BRAF: variants seen among roughly 807,000 people sequenced by gnomAD.
BRAF encodes the protein serine/threonine-protein kinase B-raf.
Under a neutral mutation model 104.6 loss-of-function variants are expected in BRAF, and 16 were observed. The observed-to-expected ratio is 0.15, with a 90% CI of 0.10 to 0.23. BRAF has a LOEUF of 0.23. BRAF is among the 10% of genes least tolerant of loss of function. The probability of loss-of-function intolerance (pLI) is 1.00; values close to 1 mark genes in which losing one functional copy is unlikely to be tolerated. For missense variants in BRAF, 541 were observed against 937.3 expected (o/e 0.58, Z 5.52); for synonymous variants, 310 against 341.6 (o/e 0.91, Z 1.02).
At chr7:140,860,998 C>T (rs1350203047) in intron 1 of BRAF, among the ~76,000 whole-genome samples, 2 of 152,128 alleles carry the variant, frequency 1.3e-5, no homozygotes, top group African/African-American at 4.8e-5. Flanking sequence ...AAACAAAAAG[C>T]TAGCGCTATA....
At chr7:140,865,281 T>C (rs1435343168) in intron 1 of BRAF, among the ~76,000 whole-genome samples, 2 of 152,120 alleles carry the variant, frequency 1.3e-5, no homozygotes, top group East Asian at 1.9e-4. Context: ...GGTTTCACCA[T>C]GTTGGCCAGC....
intron 5 of BRAF, among the ~76,000 whole-genome samples, chr7:140,803,662 G>A (rs1292567971): frequency 6.6e-6 from 1 of 152,162 alleles, no homozygotes; most frequent in Non-Finnish European, 1.5e-5. Flanking sequence ...GTGAAACTTA[G>A]AAGGCAACAT....
chr7:140,758,477 C>T lies in BRAF; in HGVS notation c.1815-4244G>A, dbSNP rs181229316. Among the ~76,000 whole-genome samples the T allele has an allele frequency of 7.3e-4, 110 of 151,686 alleles. 1 individual carries two copies. Among genetic ancestry groups the T allele is most frequent in the Admixed American group, 1.5e-3 (23 of 15,240 alleles). Reference sequence around the variant, plus strand: ...TTTCCTTCACTTTTTTTTTTGGAGACAGGGTGTTGCTCTCTTGCCCAGGCT... The same window carrying T: ...TTTCCTTCACTTTTTTTTTTGGAGATAGGGTGTTGCTCTCTTGCCCAGGCT... On this transcript the variant is annotated intron_variant, in intron 14 of 19. Transcript: ENST00000644969.
rs1009529987 is a variant in BRAF, at chr7:140,738,206, A to G, written c.2247+1606T>C. On this transcript the variant is annotated intron_variant, in intron 18 of 19. Transcript: ENST00000644969. ...CTTTGAAACCTGATAAATGAAACTT[A>G]TATCTACCCAGCCAACCACTTAGCT... Among the ~76,000 whole-genome samples the G allele has an allele frequency of 8.5e-5, 13 of 152,232 alleles. No homozygotes were observed. In the East Asian group the frequency reaches 1.3e-3, roughly 16 times the overall value.
intron 1 of BRAF, among the ~76,000 whole-genome samples, chr7:140,860,465 G>GAAAAAAA (rs746617365): frequency 6.4e-5 from 4 of 62,134 alleles, no homozygotes; most frequent in African/African-American, 3.0e-4. Context: ...CCCATCTCTA[G>GAAAAAAA]AAAAAAAAAA....
chr7:140,720,580 A>T lies in BRAF; in HGVS notation c.*5914T>A. ...ACAGCTTAGAATAAAAAGCATACTT[A>T]TTGCACTCTTACATTTGATTTCAGG... On this transcript the variant is annotated 3_prime_UTR_variant, in exon 20 of 20. Coordinates refer to ENST00000644969, the MANE Select transcript of BRAF (RefSeq NM_001374258.1). The T allele has an allele frequency of 9.4e-7, 1 of 1,065,608 alleles. No individual in the cohort carries two copies. The highest frequency in any genetic ancestry group is 1.1e-6 in the Non-Finnish European group (1 of 879,554). The allele number at this position is 1,065,608 out of a possible 1,614,324, so 66.0% of individuals were successfully genotyped here.
At position 140,724,886 on chromosome 7, in the gene BRAF, CTG is replaced by C; in HGVS notation, c.*1606_*1607del. 9.6e-7 allele frequency: 1 copy of C among 1,038,512 alleles called. No homozygotes were observed. The highest frequency in any genetic ancestry group is 1.2e-6 in the Non-Finnish European group (1 of 862,366). The allele number at this position is 1,038,512 out of a possible 1,614,324, so 64.3% of individuals were successfully genotyped here. ...AATACATCCGCTTTCTTTGCTATGA[CTG>C]TGATTGATATTACCCTTTAATAAAG... On this transcript the variant is annotated 3_prime_UTR_variant, in exon 20 of 20. Transcript: ENST00000644969.
chr7:140,781,932 T>G (rs943647549), intron 11 of BRAF, among the ~76,000 whole-genome samples: 4 of 152,250 alleles, frequency 2.6e-5, no homozygotes, highest in Admixed American at 2.0e-4. Flanking sequence ...TATTATACTT[T>G]AAGTTCTAGG....
At chr7:140,729,442 C>T (rs1380034010) in intron 19 of BRAF, among the ~76,000 whole-genome samples, 2 of 152,062 alleles carry the variant, frequency 1.3e-5, no homozygotes, top group Non-Finnish European at 2.9e-5. Flanking sequence ...GCCAGGAGTT[C>T]AAGACCAGCC....
intron 1 of BRAF, among the ~76,000 whole-genome samples, chr7:140,880,825 C>T (rs1232479269): frequency 6.6e-6 from 1 of 150,480 alleles, no homozygotes; most frequent in Non-Finnish European, 1.5e-5. Flanking sequence ...AAAAAATTAG[C>T]TGGGCATGGT....
Position 140,887,805 on chromosome 7 carries a change from T to C in BRAF, c.138+36761A>G, listed in dbSNP as rs115065542. 8.0e-3 allele frequency among the ~76,000 whole-genome samples: 1,215 copies of C among 152,248 alleles called. 18 individuals carry two copies. The highest frequency in any genetic ancestry group is 0.028 in the African/African-American group (1,143 of 41,552). ...CACAGCTCACCGCAGGCTCAAACTT[T>C]TGGGTTCAAGCAATCCTCCCACCTT... is the stretch of plus-strand genomic sequence containing the variant. On this transcript the variant is annotated intron_variant, in intron 1 of 19. Transcript: ENST00000644969.
chr7:140,841,968 A>C (rs1808015768), intron 2 of BRAF, among the ~76,000 whole-genome samples: 2 of 152,306 alleles, frequency 1.3e-5, no homozygotes, highest in East Asian at 3.9e-4. Context: ...TCATTTAGTT[A>C]ATTAAATTTA....
chr7:140,775,512 T>C (rs901457468), intron 14 of BRAF, among the ~76,000 whole-genome samples: 2 of 152,130 alleles, frequency 1.3e-5, no homozygotes, highest in African/African-American at 2.4e-5. Context: ...GCTCATTTTG[T>C]ATTTTTAGTA....
intron 1 of BRAF, among the ~76,000 whole-genome samples, chr7:140,891,504 G>T (rs1322423064): frequency 6.6e-6 from 1 of 151,934 alleles, no homozygotes; most frequent in Non-Finnish European, 1.5e-5. Context: ...TTGTATTATT[G>T]TATTACTTTT....
At position 140,785,095 on chromosome 7, in the gene BRAF, A is replaced by C. The variant is rs112203053; in HGVS notation, c.1297+594T>G. 1.6e-3 allele frequency among the ~76,000 whole-genome samples: 239 copies of C among 152,344 alleles called. 3 individuals are homozygous for C. The South Asian group carries it at 0.026, about 17-fold the overall frequency. On this transcript the variant is annotated intron_variant, in intron 10 of 19. Coordinates refer to ENST00000644969, the MANE Select transcript of BRAF (RefSeq NM_001374258.1). Reference sequence around the variant, plus strand: ...TTTCTGAAGTACACTGAAATATCTAAAATATGTTATAAATCTTTTTTTTGT... The same window carrying C: ...TTTCTGAAGTACACTGAAATATCTACAATATGTTATAAATCTTTTTTTTGT...
intron 10 of BRAF, among the ~76,000 whole-genome samples, chr7:140,785,538 A>G (rs1448366227): frequency 6.6e-6 from 1 of 152,258 alleles, no homozygotes; most frequent in Non-Finnish European, 1.5e-5. Flanking sequence ...TGAGACGTAC[A>G]TTCAAAGCAT....
intron 1 of BRAF, among the ~76,000 whole-genome samples, chr7:140,860,832 C>T (rs1397025192): frequency 1.3e-5 from 2 of 152,120 alleles, no homozygotes; most frequent in Non-Finnish European, 1.5e-5. Context: ...TGAGCATATC[C>T]TATCATGTAG....
rs1159872518 is a variant in BRAF, at chr7:140,720,560, TTAGAA to T, written c.*5929_*5933del. The T allele has an allele frequency of 9.4e-7, 1 of 1,065,438 alleles. No individual in the cohort carries two copies. 66.0% of individuals were successfully genotyped at this position (1,065,438 alleles called of 1,614,324 possible). ...GATTCTTAAAAAAACCGTTCACAGC[TTAGAA>T]TAAAAAGCATACTTATTGCACTCTT... is the stretch of plus-strand genomic sequence containing the variant. On this transcript the variant is annotated 3_prime_UTR_variant, in exon 20 of 20. Coordinates refer to ENST00000644969, the MANE Select transcript of BRAF (RefSeq NM_001374258.1).
At chr7:140,812,207 GGA>G (rs775358425) in intron 3 of BRAF, among the ~76,000 whole-genome samples, 5 of 137,742 alleles carry the variant, frequency 3.6e-5, no homozygotes, top group Non-Finnish European at 6.3e-5. Flanking sequence ...GGTGGGAGGG[GGA>G]GAGAGAGAAA....
Sources: gnomAD v4.1 joint callset for allele counts (sites outside exome capture counted in the v4.1 genomes callset) on GRCh38, gnomAD v4.1.1 for gene constraint, MANE v1.5 for transcripts, NCBI Gene and HGNC (gene_info 2026-07-23, HGNC 2026-07-21) for gene names.